Variants in HMOX1 observed in about 807,000 individuals in gnomAD.
The protein encoded by HMOX1 is heat shock protein, 32-kD.
Under a neutral mutation model 27.8 loss-of-function variants are expected in HMOX1, and 22 were observed. That is an observed-to-expected ratio of 0.79 (90% CI 0.57 to 1.13). The LOEUF (loss-of-function observed/expected upper bound fraction) is 1.13. Ranked by LOEUF, HMOX1 falls within the 50% of genes most tolerant of loss-of-function variation. The pLI, the probability that HMOX1 is intolerant of heterozygous loss-of-function variation, is 0.00. For missense variants in HMOX1, 379 were observed against 377.7 expected, an observed-to-expected ratio of 1.00 and a Z score of -0.03; for synonymous variants, 153 against 151.6, an observed-to-expected ratio of 1.01 and a Z score of -0.07.
chr22:35,382,786 T>C (rs1226931240), intron 1 of HMOX1, among the ~76,000 whole-genome samples: 2 of 151,756 alleles, frequency 1.3e-5, no homozygotes, highest in Non-Finnish European at 2.9e-5. Context: ...ACAGGCATAA[T>C]TGCTGGGATT....
At position 35,386,877 on chromosome 22, in the gene HMOX1, C is replaced by A. The variant is rs572321710; in HGVS notation, c.337C>A (p.Arg113Ser). ...CATCCCCTACACACCAGCCATGCAG[C>A]GCTATGTGAAGCGGCTCCACGAGGT... ...EVIPYTPAMQ[R>S]YVKRLHEVGR... Residue 113 changes from arginine (R) to serine (S), a missense_variant, in exon 3 of 5, where the codon CGC (arginine) becomes AGC (serine). Transcript: ENST00000216117. 1 of 1,614,156 alleles carries A rather than the reference C, an allele frequency of 6.2e-7. No homozygotes were observed. The highest frequency in any genetic ancestry group is 1.7e-5 in the Admixed American group (1 of 60,032).
chr22:35,392,487 G>A (rs1013560489), intron 4 of HMOX1, among the ~76,000 whole-genome samples: 1 of 152,046 alleles, frequency 6.6e-6, no homozygotes, highest in Admixed American at 6.6e-5. Flanking sequence ...TGTACTTCCT[G>A]TGACCGCAGC....
At chr22:35,385,073 C>T (rs1931471685) in intron 2 of HMOX1, among the ~76,000 whole-genome samples, 1 of 152,064 alleles carries the variant, frequency 6.6e-6, no homozygotes, top group African/African-American at 2.4e-5. Context: ...TGTTCTCCTT[C>T]AAATTTAAAC....
Position 35,381,168 on chromosome 22 carries a change from G to A in HMOX1, c.-6G>A. 6.5e-7 allele frequency: 1 copy of A among 1,542,864 alleles called. No individual in the cohort carries two copies. Among genetic ancestry groups the A allele is most frequent in the South Asian group, 1.2e-5 (1 of 84,456 alleles). On this transcript the variant is annotated 5_prime_UTR_variant, in exon 1 of 5. Coordinates refer to ENST00000216117, the MANE Select transcript of HMOX1 (RefSeq NM_002133.3). ...AGCCAGCACGAACGAGCCCAGCACC[G>A]GCCGGATGGAGCGTCCGCAACCCGA...
At chr22:35,383,334 T>G in intron 2 of HMOX1, 108 bp downstream of exon 2, 1 of 1,233,814 alleles carries the variant, frequency 8.1e-7, no homozygotes, top group South Asian at 1.3e-5. Context: ...CAGATGGGCA[T>G]GTCCAATAGA....
Position 35,381,108 on chromosome 22 carries a change from C to T in HMOX1, c.-66C>T. On this transcript the variant is annotated 5_prime_UTR_variant, in exon 1 of 5. Coordinates refer to ENST00000216117, the MANE Select transcript of HMOX1 (RefSeq NM_002133.3). ...GGCTCCGGCAGTCAACGCCTGCCTCCTCTCGAGCGTCCTCAGCGCAGCCGC... is the reference window on the plus strand; with the variant it reads ...GGCTCCGGCAGTCAACGCCTGCCTCTTCTCGAGCGTCCTCAGCGCAGCCGC... 2 of 1,531,750 alleles carry T rather than the reference C, an allele frequency of 1.3e-6. No homozygotes were observed. Among genetic ancestry groups the T allele is most frequent in the South Asian group, 1.2e-5 (1 of 83,906 alleles). 94.9% of individuals were successfully genotyped at this position (1,531,750 alleles called of 1,614,324 possible). A position where few individuals can be genotyped will look rare whatever the true frequency, so the allele number is the denominator to read the frequency against.
intron 4 of HMOX1, among the ~76,000 whole-genome samples, chr22:35,391,596 T>A (rs1430439776): frequency 6.0e-5 from 8 of 133,044 alleles, no homozygotes; most frequent in Non-Finnish European, 1.6e-5. Flanking sequence ...CTTTTTTTTT[T>A]TTTTTTTTTT....
At chr22:35,389,347 CCTTCCT>C (rs1569057441) in intron 3 of HMOX1, among the ~76,000 whole-genome samples, 3 of 35,986 alleles carry the variant, frequency 8.3e-5, no homozygotes, top group African/African-American at 2.9e-4. Context: ...TCTTCTCCTT[CCTTCCT>C]TCCTTCCTTC....
At chr22:35,383,252 T>C (rs1601739579) in intron 2 of HMOX1, 26 bp downstream of exon 2, 1 of 1,610,758 alleles carries the variant, frequency 6.2e-7, no homozygotes, top group Non-Finnish European at 8.5e-7. Flanking sequence ...GGACTAGCCC[T>C]GGTGGAGGGT....
At chr22:35,390,509 G>A (rs1016676499) in intron 4 of HMOX1, among the ~76,000 whole-genome samples, 3 of 152,092 alleles carry the variant, frequency 2.0e-5, no homozygotes, top group African/African-American at 7.2e-5. Context: ...GATTACAGGC[G>A]TGAGTCACTG....
At chr22:35,389,308 TTTC>T (rs1931615274) in intron 3 of HMOX1, among the ~76,000 whole-genome samples, 1 of 116,392 alleles carries the variant, frequency 8.6e-6, no homozygotes, top group African/African-American at 4.2e-5. Flanking sequence ...TCTTTCTTTC[TTTC>T]TTTCTTTCTT....
chr22:35,389,429 TATCTTTCTTTCTTTCTTTCTTTTCTTTC>T (rs1931650505), intron 3 of HMOX1, among the ~76,000 whole-genome samples: 2 of 67,984 alleles, frequency 2.9e-5, no homozygotes, highest in South Asian at 4.8e-4. Flanking sequence ...TCTTTCTTTC[TATCTTTCTTTCTTTCTTTCTTTTCTTTC>T]TTTCTTGCAG....
At chr22:35,392,172 C>T (rs1351373196) in intron 4 of HMOX1, among the ~76,000 whole-genome samples, 2 of 145,126 alleles carry the variant, frequency 1.4e-5, no homozygotes, top group South Asian at 2.2e-4. Flanking sequence ...TGCAGTGAGC[C>T]GAGATTGCAC....
rs12160711 is a variant in HMOX1 at position 35,393,387 on chromosome 22, G to C, written c.737-81G>C. On this transcript the variant is annotated intron_variant, in intron 4 of 4. Transcript: ENST00000216117. ...TGACTGTACCACAGACCCTGAGGCC[G>C]CTCTGCTTTGCTTTCCTATGACATC... 8.9e-5 allele frequency: 140 copies of C among 1,576,224 alleles called. No individual in the cohort carries two copies. In the African/African-American group the frequency reaches 1.6e-3, roughly 18 times the overall value.
At position 35,383,223 on chromosome 22, in the gene HMOX1, C is replaced by G. The variant is rs367932474; in HGVS notation, c.141C>G (p.Phe47Leu). The G allele has an allele frequency of 1.4e-5, 23 of 1,613,324 alleles. No individual in the cohort carries two copies. The highest frequency in any genetic ancestry group is 1.9e-5 in the Non-Finnish European group (22 of 1,179,560). ...FQKGQVTRDGFKLVMASLYHI... is the reference protein window; with the variant it reads ...FQKGQVTRDGLKLVMASLYHI... ...AGGGCCAGGTGACCCGAGACGGCTT[C>G]AAGGTATGTGGCTTGGTGGGACTAG... is the stretch of plus-strand genomic sequence containing the variant. The change falls in exon 2 of 5, where the codon TTC becomes TTG. Residue 47 changes from phenylalanine to leucine, a missense_variant. Phe to Leu is a conservative substitution (Grantham distance 22). Coordinates refer to ENST00000216117, the MANE Select transcript of HMOX1 (RefSeq NM_002133.3).
In HMOX1 at chr22:35,386,772, T is replaced by C. The variant is rs1463003938; in HGVS notation, c.232T>C (p.Tyr78His). Residue 78 changes from tyrosine to histidine, a missense_variant, in exon 3 of 5, where the codon TAC becomes CAC. Coordinates refer to ENST00000216117, the MANE Select transcript of HMOX1 (RefSeq NM_002133.3). ...NKESPVFAPV[Y>H]FPEELHRKAA... is the part of the protein sequence containing the mutation. Reference sequence around the variant, plus strand: ...GGAGAGCCCAGTCTTCGCCCCTGTCTACTTCCCAGAAGAGCTGCACCGCAA... The same window carrying C: ...GGAGAGCCCAGTCTTCGCCCCTGTCCACTTCCCAGAAGAGCTGCACCGCAA... 2 of 1,614,108 alleles carry C rather than the reference T, an allele frequency of 1.2e-6. No individual in the cohort carries two copies. The highest frequency in any genetic ancestry group is 1.7e-6 in the Non-Finnish European group (2 of 1,180,036).
rs879194454 is a variant in HMOX1 at position 35,389,237 on chromosome 22, CTT to C, written c.637-623_637-622del. Among the ~76,000 whole-genome samples the C allele has an allele frequency of 2.4e-3, 280 of 116,070 alleles. 11 individuals are homozygous for C. The highest frequency in any genetic ancestry group is 3.5e-3 in the East Asian group (14 of 4,018). The allele number at this position is 116,070 out of a possible 152,430, so 76.1% of individuals were successfully genotyped here. A position where few individuals can be genotyped will look rare whatever the true frequency, so the allele number is the denominator to read the frequency against. ...TCTCTCTTTCTTTCTTTCTTTCTTTCTTTTTCTTTCTTTTCTCTCTCTCTCTC... is the reference window on the plus strand; with the variant it reads ...TCTCTCTTTCTTTCTTTCTTTCTTTCTTTCTTTCTTTTCTCTCTCTCTCTC... On this transcript the variant is annotated intron_variant, in intron 3 of 4. Coordinates refer to ENST00000216117, the MANE Select transcript of HMOX1 (RefSeq NM_002133.3).
rs541100302 is a variant in HMOX1, at chr22:35,384,331, G to A, written c.144+1105G>A. ...ACTCCTGACCTCAGATGATCCACCC[G>A]TCTTGGTCTCCCAAAGTGCTGGGAT... On this transcript the variant is annotated intron_variant, in intron 2 of 4. Transcript: ENST00000216117. Among the ~76,000 whole-genome samples the A allele has an allele frequency of 1.4e-3, 214 of 152,032 alleles. 3 individuals carry two copies. The highest frequency in any genetic ancestry group is 4.9e-3 in the African/African-American group (203 of 41,448).
chr22:35,387,087 C>T lies in HMOX1; in HGVS notation c.547C>T (p.Arg183Cys), dbSNP rs749644285. 5.0e-5 allele frequency: 80 copies of T among 1,613,454 alleles called. No homozygotes were observed. The highest frequency in any genetic ancestry group is 1.3e-4 in the East Asian group (6 of 44,902). The stretch of plus-strand genomic sequence containing the variant: ...TGCCACCAAGTTCAAGCAGCTCTAC[C>T]GCTCCCGCATGAACTCCCTGGAGAT... ...ASATKFKQLYRSRMNSLEMTP... is the reference protein window; with the variant it reads ...ASATKFKQLYCSRMNSLEMTP... The change falls in exon 3 of 5, where the codon CGC (arginine) becomes TGC (cysteine). Residue 183 changes from arginine (R) to cysteine (C), a missense_variant. Coordinates refer to ENST00000216117, the MANE Select transcript of HMOX1 (RefSeq NM_002133.3).
Sources: allele counts gnomAD v4.1 joint callset (sites outside exome capture counted in the v4.1 genomes callset), GRCh38; gene constraint gnomAD v4.1.1; transcripts MANE v1.5; gene names NCBI Gene and HGNC (gene_info 2026-07-23, HGNC 2026-07-21).